The following BLTP1 variants were observed in gnomAD, a reference collection of about 807,000 sequenced individuals.
BLTP1 encodes the protein bridge-like lipid transfer protein family member 1.
the BLTP1 span, among the ~76,000 whole-genome samples, chr4:122,178,523 A>G: frequency 3.3e-5 from 5 of 152,346 alleles, no homozygotes; most frequent in East Asian, 1.9e-4. Flanking sequence ...TCTCCTTTCA[A>G]TATAACAGCT....
At chr4:122,263,047 C>G in the BLTP1 span, 1 of 1,522,882 alleles carries the variant, frequency 6.6e-7, no homozygotes, top group African/African-American at 1.4e-5. Flanking sequence ...TGAAACAGGA[C>G]TTAAGTTTAG....
chr4:122,286,112 A>G, the BLTP1 span, among the ~76,000 whole-genome samples: 1 of 152,212 alleles, frequency 6.6e-6, no homozygotes, highest in Admixed American at 6.5e-5. Flanking sequence ...AGCTACTTCC[A>G]CACTGAATCA....
chr4:122,310,979 T>C, the BLTP1 span: 1 of 723,536 alleles, frequency 1.4e-6, no homozygotes, highest in Non-Finnish European at 1.7e-6. Context: ...TATACATGGC[T>C]TTTTAAAAAT....
the BLTP1 span, chr4:122,269,799 T>C: frequency 2.3e-6 from 1 of 438,792 alleles, no homozygotes; most frequent in Non-Finnish European, 3.0e-6. Flanking sequence ...CATGATAGTT[T>C]CTTTGTCTCT....
the BLTP1 span, among the ~76,000 whole-genome samples, chr4:122,179,273 A>C: frequency 2.0e-5 from 3 of 152,068 alleles, no homozygotes; most frequent in Non-Finnish European, 4.4e-5. Flanking sequence ...TCTCTAAAAA[A>C]TAAATAAATA....
chr4:122,211,247 T>A, the BLTP1 span: 5 of 670,596 alleles, frequency 7.5e-6, no homozygotes, highest in African/African-American at 9.1e-5. Flanking sequence ...GGTGCTAGAC[T>A]CAATTACAAA....
chr4:122,358,729 A>G, the BLTP1 span, among the ~76,000 whole-genome samples: 1 of 152,174 alleles, frequency 6.6e-6, no homozygotes, highest in African/African-American at 2.4e-5. Flanking sequence ...TATAACACAT[A>G]TTACCTAATT....
At chr4:122,274,397 T>A in the BLTP1 span, 1 of 1,606,442 alleles carries the variant, frequency 6.2e-7, no homozygotes. Context: ...ATTGGTGGGG[T>A]TAATATTGTG....
chr4:122,187,315 A>C, the BLTP1 span: 1 of 1,484,096 alleles, frequency 6.7e-7, no homozygotes, highest in Non-Finnish European at 8.9e-7. Context: ...AGTAGTCACT[A>C]GATGTATTTG....
the BLTP1 span, chr4:122,239,646 A>G: frequency 3.7e-6 from 6 of 1,614,094 alleles, no homozygotes; most frequent in Non-Finnish European, 5.1e-6. Context: ...TGGAAGTACT[A>G]AGAGTCTTAC....
chr4:122,218,152 G>A, the BLTP1 span, among the ~76,000 whole-genome samples: 1 of 150,002 alleles, frequency 6.7e-6, no homozygotes, highest in Non-Finnish European at 1.5e-5. Context: ...TTTTTGTCTT[G>A]TCAAAGAACC....
the BLTP1 span, chr4:122,221,005 T>C: frequency 1.4e-6 from 1 of 722,712 alleles, no homozygotes; most frequent in Admixed American, 6.3e-5. Flanking sequence ...TAGATTATAA[T>C]TTTATTATTT....
At chr4:122,201,585 C>T in the BLTP1 span, among the ~76,000 whole-genome samples, 1 of 152,198 alleles carries the variant, frequency 6.6e-6, no homozygotes, top group Non-Finnish European at 1.5e-5. Flanking sequence ...GGTGCTGTCA[C>T]TAGTTGGAAG....
At chr4:122,359,538 A>G in the BLTP1 span, 26 of 1,604,294 alleles carry the variant, frequency 1.6e-5, no homozygotes, top group African/African-American at 3.4e-4. Flanking sequence ...TATCATACTA[A>G]TCTAAATTTT....
the BLTP1 span, chr4:122,224,716 T>G: frequency 6.2e-7 from 1 of 1,613,744 alleles, no homozygotes; most frequent in African/African-American, 1.3e-5. Flanking sequence ...CTTATTTTCT[T>G]TTTCCTTTCT....
chr4:122,349,800 G>C, the BLTP1 span: 1 of 1,586,326 alleles, frequency 6.3e-7, no homozygotes, highest in African/African-American at 1.4e-5. This position sits in a 1 kb window ranked among gnomAD's most constrained non-coding sequence, Gnocchi z 4.5. Flanking sequence ...AATGTTTCTT[G>C]TACTTTTTGA....
At chr4:122,234,167 C>T in the BLTP1 span, 6 of 434,478 alleles carry the variant, frequency 1.4e-5, no homozygotes, top group Non-Finnish European at 1.8e-5. Context: ...GTCACTTATA[C>T]AGAACCTGAA....
At chr4:122,266,762 A>G in the BLTP1 span, 2 of 1,562,076 alleles carry the variant, frequency 1.3e-6, no homozygotes, top group East Asian at 2.3e-5. Context: ...TTGAGCTAAT[A>G]TGAATGTTTA....
chr4:122,170,821 G>A, the BLTP1 span: 1 of 918,942 alleles, frequency 1.1e-6, no homozygotes, highest in Non-Finnish European at 1.6e-6. Context: ...AACAGTGGTT[G>A]ACTGAAGTTG....
Sources: gnomAD v4.1 joint callset for allele counts (sites outside exome capture counted in the v4.1 genomes callset) on GRCh38, gnomAD v4.1.1 for gene constraint, Gnocchi (gnomAD v3.1) non-coding constraint, MANE v1.5 for transcripts, NCBI Gene and HGNC (gene_info 2026-07-23, HGNC 2026-07-21) for gene names.